Variants in NLRP4 observed in about 807,000 individuals in gnomAD.
The protein encoded by NLRP4 is NLR family pyrin domain containing 4, also known as NACHT, LRR and PYD domains-containing protein 4.
NLRP4 carries 44 observed loss-of-function variants against 84.7 expected under a neutral mutation model. The ratio of observed to expected loss-of-function variants is 0.52; its 90% CI spans 0.41 to 0.67. The LOEUF (loss-of-function observed/expected upper bound fraction) is 0.67, where lower values mean the gene tolerates loss of function less well. Among genes scored for constraint, NLRP4 ranks in the 30% least tolerant of loss-of-function variants. NLRP4 has a pLI of 0.00. For missense variants in NLRP4, 1,260 were observed against 1,219.4 expected (o/e 1.03, Z -0.50); for synonymous variants, 544 against 476.4 (o/e 1.14, Z -1.85).
At chr19:55,868,556 G>A (rs966386195) in intron 6 of NLRP4, among the ~76,000 whole-genome samples, 4 of 149,012 alleles carry the variant, frequency 2.7e-5, no homozygotes, top group African/African-American at 7.5e-5. Flanking sequence ...AGGCTAGAGT[G>A]CAGTGGCATG....
At position 55,881,136 on chromosome 19, in the gene NLRP4, C is replaced by CGTGTGT. The variant is rs56806641; in HGVS notation, c.2868-309_2868-304dup. On this transcript the variant is annotated intron_variant, in intron 9 of 9. Coordinates refer to ENST00000301295, the MANE Select transcript of NLRP4 (RefSeq NM_134444.5). ...AGCTCCTACAAGCTGGTGAGAGCCACGTGTGTGTGTGTGTGTGTGTGTGTG... is the reference window on the plus strand; with the variant it reads ...AGCTCCTACAAGCTGGTGAGAGCCACGTGTGTGTGTGTGTGTGTGTGTGTGTGTGTG... 3.3e-3 allele frequency among the ~76,000 whole-genome samples: 465 copies of CGTGTGT among 139,574 alleles called. 4 individuals are homozygous for CGTGTGT. Among genetic ancestry groups the CGTGTGT allele is most frequent in the African/African-American group, 0.01 (388 of 37,810 alleles). The allele number at this position is 139,574 out of a possible 152,430, so 91.6% of individuals were successfully genotyped here.
chr19:55,867,751 T>A lies in NLRP4; in HGVS notation c.2229T>A (p.Leu743=), dbSNP rs1353137274. Residue 743 remains leucine (L), a synonymous_variant, in exon 6 of 10, where the codon CTT becomes CTA. Coordinates refer to ENST00000301295, the MANE Select transcript of NLRP4 (RefSeq NM_134444.5). ...CHLSPIDCEV[L]AGLLTNNKKL... ...TCTCACCCATTGATTGTGAAGTCCT[T>A]GCTGGCCTTCTAACCAACAACAAGA... The A allele has an allele frequency of 1.2e-6, 2 of 1,614,164 alleles. No individual in the cohort carries two copies. Among genetic ancestry groups the A allele is most frequent in the Admixed American group, 1.7e-5 (1 of 60,032 alleles).
chr19:55,852,386 CCTT>C lies in NLRP4; in HGVS notation c.280+30_280+32del, dbSNP rs762864591. On this transcript the variant is annotated intron_variant, in intron 2 of 9. Coordinates refer to ENST00000301295, the MANE Select transcript of NLRP4 (RefSeq NM_134444.5). ...GTGAGGGAGTCTGGGAAGGGGGAAGCCTTCTTATAATGAGGACTATGTCCTAAT... is the reference window on the plus strand; with the variant it reads ...GTGAGGGAGTCTGGGAAGGGGGAAGCCTTATAATGAGGACTATGTCCTAAT... 2.8e-5 allele frequency: 43 copies of C among 1,532,130 alleles called. No homozygotes were observed. The Middle Eastern group carries it at 5.4e-4, about 19-fold the overall frequency. The allele number at this position is 1,532,130 out of a possible 1,614,324, so 94.9% of individuals were successfully genotyped here.
At chr19:55,873,069 A>C (rs188150441) in intron 7 of NLRP4, among the ~76,000 whole-genome samples, 25 of 152,192 alleles carry the variant, frequency 1.6e-4, no homozygotes, top group Non-Finnish European at 3.1e-4. Flanking sequence ...AAAAACTATC[A>C]AGAATGAGGA....
intron 1 of NLRP4, among the ~76,000 whole-genome samples, chr19:55,842,161 G>A (rs1842272299): frequency 6.6e-6 from 1 of 152,146 alleles, no homozygotes; most frequent in Non-Finnish European, 1.5e-5. Flanking sequence ...AAATTTGCAT[G>A]TTTAGTCTTT....
At position 55,858,237 on chromosome 19, in the gene NLRP4, G is replaced by A. The variant is rs745787067; in HGVS notation, c.844G>A (p.Val282Met). 8.7e-6 allele frequency: 14 copies of A among 1,614,000 alleles called. No individual in the cohort carries two copies. The East Asian group carries it at 1.3e-4, about 15-fold the overall frequency. Residue 282 changes from valine (V) to methionine (M), a missense_variant, in exon 3 of 10, where the codon GTG (valine) becomes ATG (methionine). Around this residue, in one of 3 missense-constraint regions of NLRP4, gnomAD observed 712 missense variants for 669.2 expected, o/e 1.06. Transcript: ENST00000301295. This position sits in a 1 kb window ranked among gnomAD's most constrained non-coding sequence, Gnocchi z 4.2. ...EASLLIAIKP[V>M]CPKELRDQVT... The stretch of plus-strand genomic sequence containing the variant: ...CTCCCTGCTCATCGCTATCAAACCC[G>A]TGTGCCCGAAGGAGCTCCGGGATCA...
chr19:55,861,478 T>G lies in NLRP4; in HGVS notation c.1949T>G (p.Leu650Arg), dbSNP rs1246698333. ...LRELQVQDST[L>R]SESTFVTWCN... ...GAGCTCCAGGTGCAGGACAGCACCC[T>G]CAGCGAGTCGACCTTTGTGACCTGG... Residue 650 changes from leucine (L) to arginine (R), a missense_variant, in exon 4 of 10, where the codon CTC becomes CGC. This residue lies in a region of NLRP4 where 544 missense variants were observed against 531.7 expected (regional missense o/e 1.02). Coordinates refer to ENST00000301295, the MANE Select transcript of NLRP4 (RefSeq NM_134444.5). 13 of 1,614,042 alleles carry G rather than the reference T, an allele frequency of 8.1e-6. No homozygotes were observed. Among genetic ancestry groups the G allele is most frequent in the Admixed American group, 1.7e-5 (1 of 59,996 alleles).
Position 55,840,694 on chromosome 19 carries a change from G to A in NLRP4, c.-66+3760G>A, listed in dbSNP as rs114143630. Reference sequence around the variant, plus strand: ...ATTATAGGCGTGAGCCACAGCACCCGGCTGATCATTCGTATATTTTAAGGC... The same window carrying A: ...ATTATAGGCGTGAGCCACAGCACCCAGCTGATCATTCGTATATTTTAAGGC... On this transcript the variant is annotated intron_variant, in intron 1 of 9. Transcript: ENST00000301295. Among the ~76,000 whole-genome samples the A allele has an allele frequency of 6.9e-3, 1,048 of 152,200 alleles. 10 individuals are homozygous for A. The highest frequency in any genetic ancestry group is 0.023 in the African/African-American group (975 of 41,522).
At chr19:55,855,439 T>C (rs995554737) in intron 2 of NLRP4, among the ~76,000 whole-genome samples, 6 of 152,248 alleles carry the variant, frequency 3.9e-5, no homozygotes, top group African/African-American at 9.6e-5. Flanking sequence ...CAGGAAGCCA[T>C]TGGGGAATGG....
At chr19:55,840,493 C>T (rs1433267334) in intron 1 of NLRP4, among the ~76,000 whole-genome samples, 1 of 152,144 alleles carries the variant, frequency 6.6e-6, no homozygotes, top group African/African-American at 2.4e-5. Context: ...AAGCAATTCT[C>T]CTGCCTCAGC....
At chr19:55,871,026 C>A in intron 7 of NLRP4, 29 bp downstream of exon 7, 2 of 1,606,656 alleles carry the variant, frequency 1.2e-6, no homozygotes, top group Non-Finnish European at 1.7e-6. Context: ...CTTTGAAGAC[C>A]AAGCCGTCTT....
Position 55,852,319 on chromosome 19 carries a change from A to T in NLRP4, c.239A>T (p.Asp80Val), listed in dbSNP as rs940841974. The change falls in exon 2 of 10, where the codon GAT becomes GTT. Residue 80 changes from aspartate (D) to valine (V), a missense_variant. Asp to Val is a radical substitution (Grantham distance 152, BLOSUM62 -3). Transcript: ENST00000301295. ...ACCTTAAGAATCTTTCAAAAGATGG[A>T]TAGAAAGGATCTCTGCATGAAGGTC... Reference protein sequence around the residue: ...NITLRIFQKMDRKDLCMKVMR... With the variant: ...NITLRIFQKMVRKDLCMKVMR... 9 of 1,606,796 alleles carry T rather than the reference A, an allele frequency of 5.6e-6. No individual in the cohort carries two copies. The Admixed American group carries it at 1.5e-4, about 28-fold the overall frequency.
At position 55,876,983 on chromosome 19, in the gene NLRP4, T is replaced by TA. The variant is rs771170999; in HGVS notation, c.2526-12dup. On this transcript the variant is annotated splice_polypyrimidine_tract_variant and intron_variant, in intron 7 of 9. Coordinates refer to ENST00000301295, the MANE Select transcript of NLRP4 (RefSeq NM_134444.5). ...TAATAGCCTTTAAGCATGGTACCCT[T>TA]ACTCCTTTGCAGTTTGGTAAAATGT... The TA allele has an allele frequency of 9.3e-6, 15 of 1,610,088 alleles. No homozygotes were observed. The highest frequency in any genetic ancestry group is 1.3e-5 in the Non-Finnish European group (15 of 1,177,010).
chr19:55,879,050 A>G, intron 9 of NLRP4, 86 bp downstream of exon 9: 2 of 1,047,966 alleles, frequency 1.9e-6, no homozygotes, highest in Non-Finnish European at 2.8e-6. Flanking sequence ...ATCACGTTGC[A>G]TTTAAAATGC....
intron 1 of NLRP4, among the ~76,000 whole-genome samples, chr19:55,838,035 C>CCCAAAAAAAAAAAAAA (rs59078329): frequency 7.5e-6 from 1 of 132,658 alleles, no homozygotes; most frequent in Non-Finnish European, 1.6e-5. Flanking sequence ...GACTCGGTCT[C>CCCAAAAAAAAAAAAAA]AAGCTGGATG....
At chr19:55,872,780 CT>C (rs1336429827) in intron 7 of NLRP4, among the ~76,000 whole-genome samples, 1 of 152,112 alleles carries the variant, frequency 6.6e-6, no homozygotes, top group Non-Finnish European at 1.5e-5. Flanking sequence ...TGAAATTTTT[CT>C]GTAACCAATG....
At chr19:55,878,060 C>G (rs1316165486) in intron 8 of NLRP4, among the ~76,000 whole-genome samples, 2 of 152,148 alleles carry the variant, frequency 1.3e-5, no homozygotes, top group African/African-American at 4.8e-5. Context: ...AAGCCAATAG[C>G]TTGAGGCTAG....
chr19:55,844,650 T>C (rs1983725067), intron 1 of NLRP4, among the ~76,000 whole-genome samples: 1 of 152,180 alleles, frequency 6.6e-6, no homozygotes, highest in African/African-American at 2.4e-5. Context: ...GACCTCATCT[T>C]ACATGTTCCA....
In NLRP4 at chr19:55,867,741, G is replaced by A. The variant is rs1341411987; in HGVS notation, c.2219G>A (p.Cys740Tyr). The A allele has an allele frequency of 6.2e-7, 1 of 1,614,086 alleles. No homozygotes were observed. The highest frequency in any genetic ancestry group is 8.5e-7 in the Non-Finnish European group (1 of 1,179,974). ...AATTGTCACCTCTCACCCATTGATT[G>A]TGAAGTCCTTGCTGGCCTTCTAACC... The part of the protein sequence containing the change: ...LVNCHLSPID[C>Y]EVLAGLLTNN... The change falls in exon 6 of 10, where the codon TGT (cysteine) becomes TAT (tyrosine). Residue 740 changes from cysteine to tyrosine, a missense_variant. This residue lies in a region of NLRP4 where 544 missense variants were observed against 531.7 expected (regional missense o/e 1.02). Transcript: ENST00000301295.
Sources: allele counts gnomAD v4.1 joint callset (sites outside exome capture counted in the v4.1 genomes callset), GRCh38; gene constraint gnomAD v4.1.1; regional missense constraint gnomAD v4.1.1; non-coding constraint Gnocchi (gnomAD v3.1); transcripts MANE v1.5; gene names NCBI Gene and HGNC (gene_info 2026-07-23, HGNC 2026-07-21).